Variants in IL16 observed in about 807,000 individuals in gnomAD.
The protein encoded by IL16 is pro-interleukin-16.
Under a neutral mutation model 110.1 loss-of-function variants are expected in IL16, and 67 were observed. That is an observed-to-expected ratio of 0.61 (90% confidence interval 0.50 to 0.75). IL16 has a LOEUF of 0.75. Among genes scored for constraint, IL16 ranks in the 30% least tolerant of loss-of-function variants. IL16 has a pLI of 0.00. For missense variants in IL16, 1,545 were observed against 1,655.0 expected (o/e 0.93, Z 1.15); for synonymous variants, 689 against 662.9 (o/e 1.04, Z -0.61).
rs776752122 is a variant in IL16, at chr15:81,308,841, C to T, written c.*43C>T. The T allele has an allele frequency of 1.5e-5, 22 of 1,510,720 alleles. No homozygotes were observed. Among genetic ancestry groups the T allele is most frequent in the Non-Finnish European group, 1.9e-5 (21 of 1,105,268 alleles). The allele number at this position is 1,510,720 out of a possible 1,614,324, so 93.6% of individuals were successfully genotyped here. A position where few individuals can be genotyped will look rare whatever the true frequency, so the allele number is the denominator to read the frequency against. ...CAAAGCCAATAACACACAGCTAACA[C>T]ACAGCTCCCATAACCGCTGATTCTC... On this transcript the variant is annotated 3_prime_UTR_variant, in exon 19 of 19. Transcript: ENST00000683961.
chr15:81,289,857 C>T (rs1434352678), intron 10 of IL16: 8 of 428,570 alleles, frequency 1.9e-5, no homozygotes, highest in Non-Finnish European at 3.2e-5. Flanking sequence ...TTTTAAAAAA[C>T]CTGTCCTCAT....
At chr15:81,268,736 A>G (rs1400986260) in intron 4 of IL16, among the ~76,000 whole-genome samples, 1 of 152,262 alleles carries the variant, frequency 6.6e-6, no homozygotes, top group Non-Finnish European at 1.5e-5. Flanking sequence ...AGAATTTATA[A>G]TAATGACAAG....
chr15:81,248,596 TC>T (rs1486292378), intron 2 of IL16, among the ~76,000 whole-genome samples: 1 of 150,644 alleles, frequency 6.6e-6, no homozygotes, highest in Non-Finnish European at 1.5e-5. Flanking sequence ...TAATACTTAT[TC>T]CATTTTCCCT....
At chr15:81,183,417 T>A (rs957330160) in intron 1 of IL16, among the ~76,000 whole-genome samples, 1 of 152,214 alleles carries the variant, frequency 6.6e-6, no homozygotes, top group African/African-American at 2.4e-5. Context: ...CCAGATCCCC[T>A]ACCTTCCTGC....
intron 1 of IL16, among the ~76,000 whole-genome samples, chr15:81,221,682 T>A (rs1896621525): frequency 1.5e-5 from 2 of 137,532 alleles, no homozygotes; most frequent in African/African-American, 6.6e-5. Flanking sequence ...TTCTCTTCCT[T>A]TAAAAAAAAA....
At chr15:81,239,345 A>C (rs1427674351) in intron 2 of IL16, among the ~76,000 whole-genome samples, 1 of 152,124 alleles carries the variant, frequency 6.6e-6, no homozygotes, top group South Asian at 2.1e-4. Context: ...GAGCCCTTGC[A>C]GTGCTATTCT....
chr15:81,293,530 GTC>G (rs1392097365), intron 12 of IL16, among the ~76,000 whole-genome samples: 1 of 152,152 alleles, frequency 6.6e-6, no homozygotes, highest in Non-Finnish European at 1.5e-5. Context: ...GTGAAACCCT[GTC>G]TCTACTAACA....
At chr15:81,229,946 G>C (rs1384368772) in intron 2 of IL16, among the ~76,000 whole-genome samples, 1 of 152,156 alleles carries the variant, frequency 6.6e-6, no homozygotes, top group Non-Finnish European at 1.5e-5. Flanking sequence ...TTAAAGAAGA[G>C]GAAGTTATAT....
At chr15:81,231,360 CTCTCTCTCTCT>C (rs1483554434) in intron 2 of IL16, among the ~76,000 whole-genome samples, 3 of 146,174 alleles carry the variant, frequency 2.1e-5, no homozygotes, top group African/African-American at 7.6e-5. Context: ...CTCTCTCTCT[CTCTCTCTCTCT>C]CTCTCTCTCT....
rs530537994 is a variant in IL16 at position 81,293,001 on chromosome 15, A to G, written c.1866A>G (p.Ser622=). The G allele has an allele frequency of 1.2e-6, 2 of 1,612,002 alleles. No individual in the cohort carries two copies. Among genetic ancestry groups the G allele is most frequent in the South Asian group, 2.2e-5 (2 of 91,072 alleles). Residue 622 remains serine, a synonymous_variant, in exon 12 of 19, where the codon TCA becomes TCG. Coordinates refer to ENST00000683961, the MANE Select transcript of IL16 (RefSeq NM_172217.5). ...QKSLEERENS[S]CSSGHTPPTC... ...GTCTGGAAGAGAGAGAGAACTCCTC[A>G]TGCTCTTCTGGGCACACCCCACCCA...
intron 1 of IL16, among the ~76,000 whole-genome samples, chr15:81,209,944 C>A (rs1896176585): frequency 6.6e-6 from 1 of 152,210 alleles, no homozygotes; most frequent in Admixed American, 6.5e-5. Flanking sequence ...TTTGCCAAAG[C>A]AGATGTTGAC....
rs561476799 is a variant in IL16 at position 81,261,519 on chromosome 15, C to T, written c.421+1639C>T. On this transcript the variant is annotated intron_variant, in intron 3 of 18. Coordinates refer to ENST00000683961, the MANE Select transcript of IL16 (RefSeq NM_172217.5). ...CAGTGCTGGTGGTGGCTGTGCCCCT[C>T]TATGACAGTAAATTGTGTTAGGGTG... Among the ~76,000 whole-genome samples, 7 of 152,342 alleles carry T rather than the reference C, an allele frequency of 4.6e-5. 1 individual carries two copies. The South Asian group carries it at 1.5e-3, about 32-fold the overall frequency.
intron 18 of IL16, 89 bp downstream of exon 18, chr15:81,306,634 T>C (rs1240315822): frequency 2.0e-6 from 3 of 1,518,400 alleles, no homozygotes; most frequent in African/African-American, 2.7e-5. Flanking sequence ...TTCTGGGCTA[T>C]GTTGTTTCCC....
chr15:81,195,827 C>A (rs772364060), upstream of IL16, among the ~76,000 whole-genome samples: 2 of 152,256 alleles, frequency 1.3e-5, no homozygotes, highest in East Asian at 3.9e-4. Flanking sequence ...ATGCTCTTTG[C>A]GGGGCAGATG....
intron 9 of IL16, among the ~76,000 whole-genome samples, chr15:81,284,668 A>G (rs1174605980): frequency 6.6e-6 from 1 of 152,234 alleles, no homozygotes; most frequent in Non-Finnish European, 1.5e-5. Context: ...ACACAGGGAA[A>G]TCAGCCTCAG....
intron 1 of IL16, among the ~76,000 whole-genome samples, chr15:81,215,675 C>A (rs1222176639): frequency 6.6e-6 from 1 of 152,194 alleles, no homozygotes; most frequent in African/African-American, 2.4e-5. Context: ...ATGTTCTTCA[C>A]CCTTTCTGGA....
At chr15:81,250,454 G>T (rs578032795) in intron 2 of IL16, among the ~76,000 whole-genome samples, 1 of 152,296 alleles carries the variant, frequency 6.6e-6, no homozygotes, top group South Asian at 2.1e-4. Flanking sequence ...TGCGATTACA[G>T]GTGGGAGCCA....
rs1896757358 is a variant in IL16 at position 81,225,488 on chromosome 15, C to T, written c.89C>T (p.Thr30Ile). The change falls in exon 2 of 19, where the codon ACC (threonine) becomes ATC (isoleucine). Residue 30 changes from threonine to isoleucine, a missense_variant. Around this residue, in one of 3 missense-constraint regions of IL16, gnomAD observed 1,185 missense variants for 1,238.8 expected, o/e 0.96. Transcript: ENST00000683961. ...TCCCTGATGCTCTGTAATGCTAAGACCAGTGATGATGGCTCTAGCCCTGAT... is the reference window on the plus strand; with the variant it reads ...TCCCTGATGCTCTGTAATGCTAAGATCAGTGATGATGGCTCTAGCCCTGAT... ...SRSLMLCNAK[T>I]SDDGSSPDEK... The T allele has an allele frequency of 6.2e-7, 1 of 1,614,004 alleles. No individual in the cohort carries two copies. The highest frequency in any genetic ancestry group is 1.3e-5 in the African/African-American group (1 of 74,928).
At chr15:81,297,723 C>T (rs1900058547) in intron 13 of IL16, among the ~76,000 whole-genome samples, 1 of 152,164 alleles carries the variant, frequency 6.6e-6, no homozygotes, top group Non-Finnish European at 1.5e-5. Flanking sequence ...AGACCCCAAG[C>T]ATATGATGCA....
Sources: gnomAD v4.1 joint callset for allele counts (sites outside exome capture counted in the v4.1 genomes callset) on GRCh38, gnomAD v4.1.1 for gene constraint, gnomAD v4.1.1 regional missense constraint, MANE v1.5 for transcripts, NCBI Gene and HGNC (gene_info 2026-07-23, HGNC 2026-07-21) for gene names.